Variants in HK1 observed in about 807,000 individuals in gnomAD.
HK1 encodes the protein hexokinase-1.
HK1 carries 28 observed loss-of-function variants against 91.6 expected under a neutral mutation model. The observed-to-expected ratio is 0.31, with a 90% confidence interval of 0.23 to 0.42. The LOEUF (loss-of-function observed/expected upper bound fraction) is 0.42. HK1 is among the 10% of genes least tolerant of loss of function. HK1 has a pLI of 1.00. For synonymous variants in HK1, 430 were observed against 468.1 expected, an observed-to-expected ratio of 0.92 and a Z score of 1.05; for missense variants, 770 against 1,219.8, an observed-to-expected ratio of 0.63 and a Z score of 5.49.
intron 1 of HK1, among the ~76,000 whole-genome samples, chr10:69,341,550 A>G (rs897874031): frequency 1.3e-5 from 2 of 149,104 alleles, no homozygotes; most frequent in Non-Finnish European, 3.0e-5. Flanking sequence ...ATGCAGCCTC[A>G]ACCTCTTGGG....
chr10:69,340,975 G>A (rs999686125), intron 1 of HK1, among the ~76,000 whole-genome samples: 1 of 151,728 alleles, frequency 6.6e-6, no homozygotes, highest in African/African-American at 2.4e-5. Context: ...CTCCAACTTC[G>A]CCTCTCCAGG....
intron 2 of HK1, among the ~76,000 whole-genome samples, chr10:69,286,032 G>A (rs1343532461): frequency 6.6e-6 from 1 of 152,182 alleles, no homozygotes; most frequent in Non-Finnish European, 1.5e-5. Flanking sequence ...TGGGAAAGAG[G>A]TAACATGCAT....
chr10:69,394,711 C>T (rs1388692209), intron 15 of HK1, among the ~76,000 whole-genome samples: 1 of 152,138 alleles, frequency 6.6e-6, no homozygotes, highest in Non-Finnish European at 1.5e-5. Flanking sequence ...GGAGGGAGAC[C>T]AGTCTAGCAG....
chr10:69,398,297 T>A (rs1589594016), intron 16 of HK1, among the ~76,000 whole-genome samples: 2 of 152,304 alleles, frequency 1.3e-5, no homozygotes, highest in Middle Eastern at 3.4e-3. Context: ...ATATCAAGGA[T>A]AATCCCATTT....
intron 13 of HK1, among the ~76,000 whole-genome samples, chr10:69,388,563 A>G (rs765655162): frequency 6.6e-6 from 1 of 152,196 alleles, no homozygotes; most frequent in Non-Finnish European, 1.5e-5. Flanking sequence ...CTCACTTAAA[A>G]ATAGGAATTA....
chr10:69,352,954 G>A (rs886500570), intron 2 of HK1, among the ~76,000 whole-genome samples: 1 of 151,994 alleles, frequency 6.6e-6, no homozygotes, highest in African/African-American at 2.4e-5. Flanking sequence ...ATACATGTTG[G>A]TCTCTGCCCC....
Position 69,384,931 on chromosome 10 carries a change from T to A in HK1, c.1839+16T>A. The A allele has an allele frequency of 6.2e-7, 1 of 1,614,106 alleles. No homozygotes were observed. The highest frequency in any genetic ancestry group is 8.5e-7 in the Non-Finnish European group (1 of 1,180,004). ...TCTGGACGCGGTGAGTCTCTGTTCT[T>A]AGGGCTCAGTGATCGGGCAGCACTG... On this transcript the variant is annotated intron_variant, in intron 12 of 17. Transcript: ENST00000359426.
chr10:69,353,808 T>A (rs1849000961), intron 2 of HK1, among the ~76,000 whole-genome samples: 1 of 152,176 alleles, frequency 6.6e-6, no homozygotes, highest in African/African-American at 2.4e-5. Flanking sequence ...TATTGTAATA[T>A]CCTTTATAGT....
rs1362159700 is a variant in HK1, at chr10:69,292,533, T to C, written c.-114-3100T>C. The stretch of plus-strand genomic sequence containing the variant: ...CCAGGAACTTCAGTCTCCTTCCTTA[T>C]AGAGTGGGATTGCCCCTTGTGCTCT... On this transcript the variant is annotated intron_variant, in intron 3 of 21. Transcript: ENST00000360289. Among the ~76,000 whole-genome samples, 3 of 152,078 alleles carry C rather than the reference T, an allele frequency of 2.0e-5. No individual in the cohort carries two copies. In the East Asian group the frequency reaches 5.8e-4, roughly 29 times the overall value.
At chr10:69,381,732 T>G (rs1839399773) in intron 9 of HK1, among the ~76,000 whole-genome samples, 1 of 152,144 alleles carries the variant, frequency 6.6e-6, no homozygotes. Context: ...TTTTGTATTT[T>G]TAGTAGAGAC....
intron 1 of HK1, among the ~76,000 whole-genome samples, chr10:69,276,583 C>T (rs769749757): frequency 1.3e-5 from 2 of 151,822 alleles, no homozygotes; most frequent in Admixed American, 1.3e-4. Flanking sequence ...TGCTCCAACC[C>T]GGGAGGCGGA....
chr10:69,370,399 T>C (rs950452072), intron 7 of HK1, among the ~76,000 whole-genome samples: 3 of 152,118 alleles, frequency 2.0e-5, no homozygotes, highest in African/African-American at 7.2e-5. Context: ...CAAAAATGCT[T>C]CCCCAACAAA....
At position 69,369,701 on chromosome 10, in the gene HK1, A is replaced by AAAAGGGC; in HGVS notation, c.875+79_875+85dup. ...GATGAAAGATTTGGGATGGGAGATG[A>AAAAGGGC]AAAGGGCATAAAGCCAAGTGATCAC... On this transcript the variant is annotated intron_variant, in intron 7 of 17. Coordinates refer to ENST00000359426, the MANE Select transcript of HK1 (RefSeq NM_000188.3). The surrounding 1 kb of genome is among the most constrained non-coding windows in gnomAD (Gnocchi z 4.4). 7.5e-7 allele frequency: 1 copy of AAAAGGGC among 1,328,434 alleles called. No homozygotes were observed. Among genetic ancestry groups the AAAAGGGC allele is most frequent in the Non-Finnish European group, 1.1e-6 (1 of 939,896 alleles). The allele number at this position is 1,328,434 out of a possible 1,614,324, so 82.3% of individuals were successfully genotyped here. A position where few individuals can be genotyped will look rare whatever the true frequency, so the allele number is the denominator to read the frequency against.
At chr10:69,334,179 C>T (rs936718813) in intron 1 of HK1, among the ~76,000 whole-genome samples, 20 of 152,160 alleles carry the variant, frequency 1.3e-4, no homozygotes, top group African/African-American at 3.6e-4. Context: ...TTCATTGAAA[C>T]AGAACCAACA....
upstream of HK1, among the ~76,000 whole-genome samples, chr10:69,314,272 G>A (rs1199455010): frequency 3.3e-5 from 5 of 152,334 alleles, no homozygotes; most frequent in East Asian, 7.7e-4. Flanking sequence ...CAGCACCTGA[G>A]TTTCACCTGG....
At chr10:69,393,646 A>C (rs1840010977) in intron 15 of HK1, among the ~76,000 whole-genome samples, 1 of 152,252 alleles carries the variant, frequency 6.6e-6, no homozygotes, top group African/African-American at 2.4e-5. Context: ...AAGAGGAAGA[A>C]CCAATAGTAC....
At chr10:69,293,903 T>C (rs1215507906) in intron 3 of HK1, among the ~76,000 whole-genome samples, 3 of 137,362 alleles carry the variant, frequency 2.2e-5, no homozygotes, top group African/African-American at 5.4e-5. Context: ...CCACTTTGGC[T>C]CAGGCTGGAG....
intron 1 of HK1, among the ~76,000 whole-genome samples, chr10:69,276,525 A>G (rs552241706): frequency 1.9e-3 from 291 of 151,590 alleles, no homozygotes; most frequent in African/African-American, 6.8e-3. Context: ...CGGGTGTGGT[A>G]GTGCACTCCT....
rs149713062 is a variant in HK1, at chr10:69,347,018, T to A, written c.226+3029T>A. On this transcript the variant is annotated intron_variant, in intron 2 of 17. Coordinates refer to ENST00000359426, the MANE Select transcript of HK1 (RefSeq NM_000188.3). ...CTCAAGTATCCCGGTGGGGCCCAGA[T>A]ACTTACATTTCCTCTTTTCTTTTCC... Among the ~76,000 whole-genome samples the A allele has an allele frequency of 7.3e-3, 1,104 of 152,112 alleles. 15 individuals carry two copies. The highest frequency in any genetic ancestry group is 0.025 in the African/African-American group (1,043 of 41,494).
Sources: gnomAD v4.1 joint callset for allele counts (sites outside exome capture counted in the v4.1 genomes callset) on GRCh38, gnomAD v4.1.1 for gene constraint, Gnocchi (gnomAD v3.1) non-coding constraint, MANE v1.5 for transcripts, NCBI Gene and HGNC (gene_info 2026-07-23, HGNC 2026-07-21) for gene names.